Variants in MROH2A observed in about 807,000 individuals in gnomAD.
The protein encoded by MROH2A is maestro heat like repeat family member 2A.
A neutral mutation model predicts 200.4 loss-of-function variants in MROH2A; 174 were observed. That is an observed-to-expected ratio of 0.87 (90% CI 0.77 to 0.98). The LOEUF is 0.98. Ranked by LOEUF, MROH2A falls within the 50% of genes least tolerant of loss-of-function variation. The pLI is 0.00. For missense variants in MROH2A, 2,045 were observed against 2,139.6 expected, an observed-to-expected ratio of 0.96 and a Z score of 0.87; for synonymous variants, 829 against 840.4, an observed-to-expected ratio of 0.99 and a Z score of 0.23.
At chr2:233,832,046 C>T in intron 39 of MROH2A, 131 bp from the exon 40 acceptor site, 1 of 692,726 alleles carries the variant, frequency 1.4e-6, no homozygotes, top group Non-Finnish European at 2.4e-6. Flanking sequence ...AGCTACTCAC[C>T]TGCTGTGTGA....
chr2:233,783,415 A>C (rs754049084), intron 3 of MROH2A, among the ~76,000 whole-genome samples: 1 of 151,956 alleles, frequency 6.6e-6, no homozygotes, highest in Non-Finnish European at 1.5e-5. Context: ...GGTTCATCGG[A>C]GTTTTCTATT....
At chr2:233,805,155 T>A in intron 19 of MROH2A, 44 bp downstream of exon 19, 1 of 1,361,578 alleles carries the variant, frequency 7.3e-7, no homozygotes, top group Non-Finnish European at 1.0e-6. Context: ...AGGAGTAGAC[T>A]CCAGGGGTGA....
At chr2:233,778,302 G>T, upstream of MROH2A, 1 of 166,584 alleles carries the variant, frequency 6.0e-6, no homozygotes. Context: ...TAGTTCTAGT[G>T]AAACCCTCCC....
At chr2:233,802,492 C>A in intron 15 of MROH2A, 177 bp downstream of exon 15, 1 of 693,436 alleles carries the variant, frequency 1.4e-6, no homozygotes, top group Non-Finnish European at 2.3e-6. Context: ...CTGATCATAT[C>A]TAGGTCATGT....
chr2:233,816,718 G>A, intron 26 of MROH2A, 63 bp from the exon 27 acceptor site: 1 of 1,165,188 alleles, frequency 8.6e-7, no homozygotes. Context: ...GCAAAAGCTG[G>A]CCAGGAAAGG....
At chr2:233,799,046 C>T (rs574061363) in intron 12 of MROH2A, among the ~76,000 whole-genome samples, 196 bp downstream of exon 12, 1 of 152,182 alleles carries the variant, frequency 6.6e-6, no homozygotes, top group Non-Finnish European at 1.5e-5. Flanking sequence ...CTCCATGGAT[C>T]TAGAGTTTTT....
chr2:233,819,401 CATGACA>C lies in MROH2A; in HGVS notation c.3291_3296del (p.His1097_Lys1099delinsGln). 3 of 1,550,582 alleles carry C rather than the reference CATGACA, an allele frequency of 1.9e-6. No individual in the cohort carries two copies. Among genetic ancestry groups the C allele is most frequent in the Non-Finnish European group, 2.6e-6 (3 of 1,146,952 alleles). The stretch of plus-strand genomic sequence containing the variant: ...GAACACTGGGGCCATGAACCTGCAG[CATGACA>C]AGGCCTCTGTCACCTGGATAGCCTT... On this transcript the variant is annotated inframe_deletion, in exon 30 of 42. Coordinates refer to ENST00000389758, the MANE Select transcript of MROH2A (RefSeq NM_001394639.1).
intron 38 of MROH2A, among the ~76,000 whole-genome samples, chr2:233,830,586 G>C (rs1430105158): frequency 6.6e-6 from 1 of 152,028 alleles, no homozygotes; most frequent in African/African-American, 2.4e-5. Context: ...GGAGCGGGTG[G>C]CCCAGATGGC....
At chr2:233,788,776 A>G (rs1000466704) in intron 3 of MROH2A, among the ~76,000 whole-genome samples, 6 of 151,506 alleles carry the variant, frequency 4.0e-5, no homozygotes, top group African/African-American at 1.5e-4. Context: ...TCTCTACTAA[A>G]AATACAAAAA....
intron 5 of MROH2A, among the ~76,000 whole-genome samples, chr2:233,792,438 G>A (rs750065610): frequency 7.9e-5 from 12 of 151,678 alleles, no homozygotes; most frequent in African/African-American, 1.5e-4. Context: ...TCTGCCTCCC[G>A]AGTGGTTGAG....
intron 39 of MROH2A, among the ~76,000 whole-genome samples, chr2:233,831,783 T>A (rs906997970): frequency 2.6e-5 from 4 of 152,268 alleles, no homozygotes; most frequent in Non-Finnish European, 2.9e-5. Context: ...TTTCATGTAT[T>A]TTATTTCACT....
chr2:233,799,936 G>T (rs1215576683), intron 13 of MROH2A, 37 bp downstream of exon 13: 1 of 1,550,036 alleles, frequency 6.5e-7, no homozygotes, highest in Middle Eastern at 1.7e-4. Context: ...AGAGCAGCTG[G>T]ACTTGGAAAT....
At chr2:233,791,957 G>A (rs979661999) in intron 5 of MROH2A, among the ~76,000 whole-genome samples, 4 of 152,066 alleles carry the variant, frequency 2.6e-5, no homozygotes, top group East Asian at 1.9e-4. Flanking sequence ...TGAAGTGGAG[G>A]GGCCTGCCTC....
chr2:233,828,049 T>C lies in MROH2A; in HGVS notation c.4114-581T>C, dbSNP rs899785388. 1.3e-5 allele frequency among the ~76,000 whole-genome samples: 2 copies of C among 152,144 alleles called. No homozygotes were observed. Among genetic ancestry groups the C allele is most frequent in the Admixed American group, 1.3e-4 (2 of 15,280 alleles). ...GGTGGAGACAAAACATTTGGAAGCT[T>C]AGAGCAACTGCGCCTAATGGGGGTT... On this transcript the variant is annotated intron_variant, in intron 35 of 41. Transcript: ENST00000389758. This position sits in a 1 kb window ranked among gnomAD's most constrained non-coding sequence, Gnocchi z 4.6.
rs1700843508 is a variant in MROH2A at position 233,779,717 on chromosome 2, G to A, written c.141G>A (p.Glu47=). ...VVNLLDIIDS[E]SAKTDTTGAG... ...ACCTTCTGGACATCATTGACAGCGAGTCAGCAAAGACGGACACAACAGGGG... is the reference window on the plus strand; with the variant it reads ...ACCTTCTGGACATCATTGACAGCGAATCAGCAAAGACGGACACAACAGGGG... The change falls in exon 3 of 42, where the codon GAG becomes GAA. Residue 47 remains glutamate (E), a synonymous_variant. Transcript: ENST00000389758. 2 of 1,551,216 alleles carry A rather than the reference G, an allele frequency of 1.3e-6. No homozygotes were observed. Among genetic ancestry groups the A allele is most frequent in the East Asian group, 2.4e-5 (1 of 40,924 alleles).
intron 35 of MROH2A, among the ~76,000 whole-genome samples, chr2:233,825,943 T>TTTTTTTA (rs1704275826): frequency 6.9e-6 from 1 of 145,616 alleles, no homozygotes; most frequent in African/African-American, 2.6e-5. Context: ...TTTTTTTTTT[T>TTTTTTTA]GAGACAGGGT....
chr2:233,812,869 A>G (rs1000175929), intron 24 of MROH2A, among the ~76,000 whole-genome samples: 3 of 152,246 alleles, frequency 2.0e-5, no homozygotes, highest in Admixed American at 2.0e-4. Flanking sequence ...GGGCTTAGGC[A>G]GAACGACTGG....
rs1481980736 is a variant in MROH2A at position 233,822,176 on chromosome 2, A to C, written c.3565A>C (p.Thr1189Pro). 1 of 1,549,686 alleles carries C rather than the reference A, an allele frequency of 6.5e-7. No homozygotes were observed. Among genetic ancestry groups the C allele is most frequent in the Non-Finnish European group, 8.7e-7 (1 of 1,146,986 alleles). The change falls in exon 32 of 42, where the codon ACC (threonine) becomes CCC (proline). Residue 1189 changes from threonine to proline, a missense_variant. Physicochemically the swap from Thr to Pro is conservative, Grantham distance 38. Transcript: ENST00000389758. ...AVSENVPFAR[T>P]MLHSLMGRLQ... ...GTCGGAGAACGTGCCCTTCGCCCGG[A>C]CCATGCTCCACAGCCTGATGGGCCG...
chr2:233,796,704 T>G (rs1161684912), intron 11 of MROH2A, among the ~76,000 whole-genome samples: 3 of 152,202 alleles, frequency 2.0e-5, no homozygotes, highest in Admixed American at 2.0e-4. Context: ...CCCTGAGATT[T>G]AAAGAGAACC....
Sources: allele counts gnomAD v4.1 joint callset (sites outside exome capture counted in the v4.1 genomes callset), GRCh38; gene constraint gnomAD v4.1.1; non-coding constraint Gnocchi (gnomAD v3.1); transcripts MANE v1.5; gene names NCBI Gene and HGNC (gene_info 2026-07-23, HGNC 2026-07-21).